Variants in PIK3C2A observed in about 807,000 individuals in gnomAD.
The protein encoded by PIK3C2A is phosphatidylinositol-4-phosphate 3-kinase catalytic subunit type 2 alpha.
A neutral mutation model predicts 204.5 loss-of-function variants in PIK3C2A; 97 were observed. The observed-to-expected ratio is 0.47, with a 90% CI of 0.40 to 0.56. PIK3C2A has a LOEUF of 0.56. Among genes scored for constraint, PIK3C2A ranks in the 20% least tolerant of loss-of-function variants. The probability of loss-of-function intolerance (pLI) is 0.00; values close to 1 mark genes in which losing one functional copy is unlikely to be tolerated. For missense variants in PIK3C2A, 1,735 were observed against 1,969.2 expected (o/e 0.88, Z 2.25); for synonymous variants, 653 against 664.4 (o/e 0.98, Z 0.26).
rs1306634299 is a variant in PIK3C2A at position 17,086,866 on chromosome 11, AT to A, written c.*2871del. The A allele has an allele frequency of 6.6e-6, 1 of 152,204 alleles. No individual in the cohort carries two copies. Among genetic ancestry groups the A allele is most frequent in the Non-Finnish European group, 1.5e-5 (1 of 68,026 alleles). The allele number at this position is 152,204 out of a possible 1,614,324, so 9.4% of individuals were successfully genotyped here. A position where few individuals can be genotyped will look rare whatever the true frequency, so the allele number is the denominator to read the frequency against. ...AATGTTTTCTTTTTTAAATGTCACA[AT>A]ATTTGAATCCTAGAAAGAATAGGCA... On this transcript the variant is annotated 3_prime_UTR_variant, in exon 33 of 33. Coordinates refer to ENST00000691414, the MANE Select transcript of PIK3C2A (RefSeq NM_002645.4).
chr11:17,196,521 G>A (rs1852162299), intron 1 of PIK3C2A, among the ~76,000 whole-genome samples: 1 of 152,092 alleles, frequency 6.6e-6, no homozygotes, highest in South Asian at 2.1e-4. Context: ...TGAAATAGGA[G>A]AAAAGAACAG....
At chr11:17,164,247 G>A (rs1448272260) in intron 2 of PIK3C2A, among the ~76,000 whole-genome samples, 1 of 151,748 alleles carries the variant, frequency 6.6e-6, no homozygotes, top group South Asian at 2.1e-4. Flanking sequence ...AGCCACTCAG[G>A]AGGCTGCATT....
intron 13 of PIK3C2A, among the ~76,000 whole-genome samples, chr11:17,128,131 T>C (rs1181260209): frequency 6.6e-6 from 1 of 152,204 alleles, no homozygotes; most frequent in African/African-American, 2.4e-5. Flanking sequence ...ACCTAGCACA[T>C]AGTAAGTGCT....
intron 27 of PIK3C2A, among the ~76,000 whole-genome samples, chr11:17,096,585 ACTAT>A (rs146003828): frequency 0.034 from 5,200 of 152,292 alleles, 246 homozygotes; most frequent in African/African-American, 0.11. Flanking sequence ...CTTTTTAAAG[ACTAT>A]CTATTTGCCA....
At chr11:17,106,876 A>C (rs1193151752) in intron 22 of PIK3C2A, among the ~76,000 whole-genome samples, 1 of 152,268 alleles carries the variant, frequency 6.6e-6, no homozygotes, top group Non-Finnish European at 1.5e-5. Context: ...AACCTTCCAG[A>C]ATACGTTAGC....
chr11:17,195,238 C>A (rs1450673322), intron 1 of PIK3C2A, among the ~76,000 whole-genome samples: 1 of 150,512 alleles, frequency 6.6e-6, no homozygotes, highest in Admixed American at 6.6e-5. Flanking sequence ...CTTGGTGAAA[C>A]CCTGTCTCTA....
intron 1 of PIK3C2A, among the ~76,000 whole-genome samples, chr11:17,204,079 A>G (rs1328755769): frequency 6.7e-6 from 1 of 148,510 alleles, no homozygotes; most frequent in Non-Finnish European, 1.5e-5. Context: ...GTCTCAAAGA[A>G]AAAAAAAAAA....
intron 5 of PIK3C2A, 49 bp downstream of exon 5, chr11:17,148,617 AT>A: frequency 6.4e-7 from 1 of 1,569,806 alleles, no homozygotes. Flanking sequence ...AGATTAAACC[AT>A]TAAAAATGAA....
chr11:17,106,574 T>G (rs904674289), intron 22 of PIK3C2A, among the ~76,000 whole-genome samples: 3 of 152,162 alleles, frequency 2.0e-5, no homozygotes, highest in African/African-American at 4.8e-5. Flanking sequence ...AGATCACAGA[T>G]GCCCAACACC....
intron 2 of PIK3C2A, among the ~76,000 whole-genome samples, chr11:17,156,045 C>T (rs1328776963): frequency 6.6e-6 from 1 of 152,158 alleles, no homozygotes; most frequent in Non-Finnish European, 1.5e-5. Context: ...GGACCCAAAT[C>T]CCAAGAAAGA....
At chr11:17,160,403 A>C (rs530928512) in intron 2 of PIK3C2A, among the ~76,000 whole-genome samples, 63 of 152,352 alleles carry the variant, frequency 4.1e-4, no homozygotes, top group Middle Eastern at 3.4e-3. Flanking sequence ...GATGTAGTCA[A>C]TTTTTAAAAA....
chr11:17,112,913 G>A (rs1245243954), intron 20 of PIK3C2A, among the ~76,000 whole-genome samples: 4 of 151,350 alleles, frequency 2.6e-5, no homozygotes, highest in Non-Finnish European at 5.9e-5. Context: ...AGCCTCCTGA[G>A]TAGCTGGGAC....
At chr11:17,110,401 T>C (rs760887075) in intron 22 of PIK3C2A, 31 bp downstream of exon 22, 3 of 1,551,984 alleles carry the variant, frequency 1.9e-6, no homozygotes, top group South Asian at 1.2e-5. Context: ...AGGAAAAAAA[T>C]AAGACATCAA....
chr11:17,144,880 T>C (rs1379345838), intron 8 of PIK3C2A, among the ~76,000 whole-genome samples: 1 of 115,126 alleles, frequency 8.7e-6, no homozygotes, highest in African/African-American at 3.3e-5. Flanking sequence ...GAGCAACACA[T>C]GGAGACTCAG....
In PIK3C2A at chr11:17,091,539, T is replaced by A; in HGVS notation, c.4752+8A>T. On this transcript the variant is annotated splice_region_variant and intron_variant, in intron 31 of 32. Coordinates refer to ENST00000691414, the MANE Select transcript of PIK3C2A (RefSeq NM_002645.4). ...CCTCTACAACCATCATTCTTTGTAA[T>A]CACTCACAAGATCTTTGATATGCAT... 1 of 1,608,202 alleles carries A rather than the reference T, an allele frequency of 6.2e-7. No individual in the cohort carries two copies. Among genetic ancestry groups the A allele is most frequent in the Non-Finnish European group, 8.5e-7 (1 of 1,175,408 alleles).
chr11:17,124,296 C>A (rs1849451663), intron 13 of PIK3C2A, among the ~76,000 whole-genome samples: 1 of 152,120 alleles, frequency 6.6e-6, no homozygotes, highest in Admixed American at 6.6e-5. Context: ...AAGTACAATA[C>A]CATTATCCCT....
Position 17,115,655 on chromosome 11 carries a change from A to C in PIK3C2A, c.3217-1190T>G, listed in dbSNP as rs375406749. On this transcript the variant is annotated intron_variant, in intron 19 of 32. Transcript: ENST00000691414. ...TATGTGGTCAACTTTTTTATTTAAA[A>C]ATTTTTAACAGAACACTTCACGAAT... is the stretch of plus-strand genomic sequence containing the variant. 7 of 152,324 alleles carry C rather than the reference A, an allele frequency of 4.6e-5. No individual in the cohort carries two copies. The East Asian group carries it at 1.2e-3, about 25-fold the overall frequency. The allele number at this position is 152,324 out of a possible 1,614,324, so 9.4% of individuals were successfully genotyped here.
At chr11:17,097,011 C>T (rs1011828553) in intron 27 of PIK3C2A, 46 bp downstream of exon 27, 2 of 1,139,512 alleles carry the variant, frequency 1.8e-6, no homozygotes, top group African/African-American at 1.5e-5. Flanking sequence ...GAAAGGACAA[C>T]AATAATACAT....
intron 15 of PIK3C2A, among the ~76,000 whole-genome samples, chr11:17,120,986 G>A (rs989043919): frequency 6.6e-6 from 1 of 152,036 alleles, no homozygotes; most frequent in Non-Finnish European, 1.5e-5. Flanking sequence ...CCAAAGTGCT[G>A]AGATTACAGG....
Sources: gnomAD v4.1 joint callset for allele counts (sites outside exome capture counted in the v4.1 genomes callset) on GRCh38, gnomAD v4.1.1 for gene constraint, MANE v1.5 for transcripts, NCBI Gene and HGNC (gene_info 2026-07-23, HGNC 2026-07-21) for gene names.